Variants in HOOK1 observed in about 807,000 individuals in gnomAD.
HOOK1 encodes the protein protein Hook homolog 1.
Under a neutral mutation model 112.8 loss-of-function variants are expected in HOOK1, and 60 were observed. The observed-to-expected ratio is 0.53, with a 90% CI of 0.43 to 0.66. The LOEUF is 0.66. HOOK1 is among the 30% of genes least tolerant of loss of function. The pLI is 0.00. For missense variants in HOOK1, 770 were observed against 856.0 expected (o/e 0.90, Z 1.25); for synonymous variants, 294 against 283.8 (o/e 1.04, Z -0.36).
intron 12 of HOOK1, among the ~76,000 whole-genome samples, chr1:59,855,287 C>T (rs150546617): frequency 5.9e-5 from 9 of 152,280 alleles, no homozygotes; most frequent in African/African-American, 1.7e-4. Flanking sequence ...CTCTCTCCAC[C>T]AACCCTCTGC....
At chr1:59,833,871 C>G (rs1362998703) in intron 5 of HOOK1, among the ~76,000 whole-genome samples, 1 of 152,054 alleles carries the variant, frequency 6.6e-6, no homozygotes, top group Non-Finnish European at 1.5e-5. Flanking sequence ...CATGTAAGAA[C>G]CTTATGTGGA....
At chr1:59,847,450 G>A (rs545890968) in intron 10 of HOOK1, among the ~76,000 whole-genome samples, 1 of 151,470 alleles carries the variant, frequency 6.6e-6, no homozygotes, top group Non-Finnish European at 1.5e-5. Flanking sequence ...TTTTATAAAT[G>A]GAGTACTTAT....
rs1644098819 is a variant in HOOK1, at chr1:59,874,166, C to CAGCCACATTTCAGATGCTCAAT, written c.*1210_*1231dup. 1.3e-5 allele frequency: 2 copies of CAGCCACATTTCAGATGCTCAAT among 152,004 alleles called. No homozygotes were observed. Among genetic ancestry groups the CAGCCACATTTCAGATGCTCAAT allele is most frequent in the African/African-American group, 4.8e-5 (2 of 41,392 alleles). The allele number at this position is 152,004 out of a possible 1,614,324, so 9.4% of individuals were successfully genotyped here. A position where few individuals can be genotyped will look rare whatever the true frequency, so the allele number is the denominator to read the frequency against. On this transcript the variant is annotated 3_prime_UTR_variant, in exon 22 of 22. Coordinates refer to ENST00000371208, the MANE Select transcript of HOOK1 (RefSeq NM_015888.6). ...TATAAACTCAGTCTCTTGGTTGCAC[C>CAGCCACATTTCAGATGCTCAAT]AGCCACATTTCAGATGCTCAATAGC... is the stretch of plus-strand genomic sequence containing the variant.
chr1:59,825,514 A>G (rs2098389204), intron 2 of HOOK1, among the ~76,000 whole-genome samples: 1 of 152,260 alleles, frequency 6.6e-6, no homozygotes, highest in Non-Finnish European at 1.5e-5. Flanking sequence ...CTGAATATAT[A>G]CTAAATAAAA....
At chr1:59,834,003 A>G (rs1311584955) in intron 5 of HOOK1, among the ~76,000 whole-genome samples, 1 of 152,332 alleles carries the variant, frequency 6.6e-6, no homozygotes, top group East Asian at 1.9e-4. Context: ...GTCTAATGAT[A>G]TAAATGGAAT....
chr1:59,870,666 T>C (rs1297998141), intron 20 of HOOK1, among the ~76,000 whole-genome samples: 1 of 152,214 alleles, frequency 6.6e-6, no homozygotes, highest in Non-Finnish European at 1.5e-5. Flanking sequence ...TTTTTGACTA[T>C]GTCCTCTTTC....
intron 7 of HOOK1, among the ~76,000 whole-genome samples, chr1:59,839,314 T>C (rs181094596): frequency 6.6e-6 from 1 of 152,360 alleles, no homozygotes; most frequent in Non-Finnish European, 1.5e-5. Context: ...ACAATATTGA[T>C]TCTTCCTACC....
At chr1:59,869,151 T>G (rs2025500) in intron 20 of HOOK1, among the ~76,000 whole-genome samples, 14,865 of 152,196 alleles carry the variant, frequency 0.098, 925 homozygotes, top group African/African-American at 0.18. Flanking sequence ...TATTGAATTC[T>G]ACATACTGGC....
At position 59,840,334 on chromosome 1, in the gene HOOK1, G is replaced by T; in HGVS notation, c.564G>T (p.Gln188His). 6.3e-7 allele frequency: 1 copy of T among 1,595,878 alleles called. No individual in the cohort carries two copies. The highest frequency in any genetic ancestry group is 2.3e-5 in the East Asian group (1 of 44,164). Residue 188 changes from glutamine (Q) to histidine (H), a missense_variant, in exon 8 of 22, where the codon CAG becomes CAT. This residue lies in a region of HOOK1 where 655 missense variants were observed against 725.9 expected (regional missense o/e 0.90). Transcript: ENST00000371208. ...TTAAAAGAGCCTTGGAAGAACTTCA[G>T]GAAGCACTAGCAGAAAAAGAAGAGC... The part of the protein sequence containing the change: ...QQLKRALEEL[Q>H]EALAEKEELR...
intron 1 of HOOK1, among the ~76,000 whole-genome samples, chr1:59,817,224 C>T (rs1455189244): frequency 6.6e-6 from 1 of 152,194 alleles, no homozygotes. Context: ...TGTATTTCCC[C>T]TTTCCTTCAC....
At chr1:59,849,603 A>C (rs771058366) in intron 12 of HOOK1, among the ~76,000 whole-genome samples, 3 of 151,532 alleles carry the variant, frequency 2.0e-5, no homozygotes, top group Non-Finnish European at 4.4e-5. Context: ...CACTGCCATC[A>C]CTCTAAAAAG....
chr1:59,842,978 A>T (rs2098401763), intron 8 of HOOK1, among the ~76,000 whole-genome samples: 1 of 152,030 alleles, frequency 6.6e-6, no homozygotes, highest in African/African-American at 2.4e-5. Context: ...TTTCTTGAAT[A>T]TGTGATATGT....
In HOOK1 at chr1:59,873,713, A is replaced by T. The variant is rs1419005053; in HGVS notation, c.*748A>T. ...GACATTTGTAATAGGTGACTTTCTG[A>T]TGGAAAGCAAGCTATATATATATAT... On this transcript the variant is annotated 3_prime_UTR_variant, in exon 22 of 22. Transcript: ENST00000371208. 7.5e-6 allele frequency: 1 copy of T among 133,844 alleles called. No homozygotes were observed. The highest frequency in any genetic ancestry group is 2.8e-5 in the African/African-American group (1 of 35,824). 8.3% of individuals were successfully genotyped at this position (133,844 alleles called of 1,614,324 possible).
Position 59,854,038 on chromosome 1 carries a change from A to AT in HOOK1, c.1243-4359dup, listed in dbSNP as rs869107272. Among the ~76,000 whole-genome samples the AT allele has an allele frequency of 1.1e-3, 13 of 11,446 alleles. 2 individuals carry two copies. Among genetic ancestry groups the AT allele is most frequent in the South Asian group, 5.0e-3 (1 of 200 alleles). The allele number at this position is 11,446 out of a possible 152,430, so 7.5% of individuals were successfully genotyped here. A position where few individuals can be genotyped will look rare whatever the true frequency, so the allele number is the denominator to read the frequency against. ...TATATATATATATATATATATATAT[A>AT]TTTTTTTTTTTTTTTTTTTTTTTTT... On this transcript the variant is annotated intron_variant, in intron 12 of 21. Transcript: ENST00000371208.
chr1:59,853,280 T>C (rs2098408226), intron 12 of HOOK1, among the ~76,000 whole-genome samples: 1 of 152,088 alleles, frequency 6.6e-6, no homozygotes, highest in Non-Finnish European at 1.5e-5. Flanking sequence ...CCTCATGTAT[T>C]TTAGATCTGT....
chr1:59,859,164 T>C (rs778416700), intron 14 of HOOK1, 119 bp downstream of exon 14: 4 of 352,914 alleles, frequency 1.1e-5, no homozygotes, highest in Non-Finnish European at 2.0e-5. Flanking sequence ...AATTACTGTT[T>C]GATCTACTTA....
In HOOK1 at chr1:59,833,492, C is replaced by A; in HGVS notation, c.361C>A (p.Leu121Ile). Residue 121 changes from leucine (L) to isoleucine (I), a missense_variant, in exon 5 of 22, where the codon CTC (leucine) becomes ATC (isoleucine). This residue lies in a region of HOOK1 where 655 missense variants were observed against 725.9 expected (regional missense o/e 0.90). Transcript: ENST00000371208. ...CSDPVELGRL[L>I]QLILGCAINC... ...AGATCCAGTGGAGCTTGGGAGGTTG[C>A]TCCAGCTTATTTTAGGTTGTGCGAT... The A allele has an allele frequency of 6.3e-7, 1 of 1,591,878 alleles. No individual in the cohort carries two copies. Among genetic ancestry groups the A allele is most frequent in the South Asian group, 1.1e-5 (1 of 88,172 alleles).
Position 59,866,105 on chromosome 1 carries a change from A to C in HOOK1, c.1845+133A>C. On this transcript the variant is annotated intron_variant, in intron 19 of 21. Coordinates refer to ENST00000371208, the MANE Select transcript of HOOK1 (RefSeq NM_015888.6). ...TCTTAACTGTATTGCCTTACCTGTC[A>C]GGTTTCCGTAGTATTTCCCAATCAG... The C allele has an allele frequency of 1.5e-5, 9 of 602,610 alleles. No individual in the cohort carries two copies. The South Asian group carries it at 1.7e-4, about 11-fold the overall frequency. 37.3% of individuals were successfully genotyped at this position (602,610 alleles called of 1,614,324 possible).
intron 12 of HOOK1, among the ~76,000 whole-genome samples, chr1:59,856,321 C>T (rs1474622723): frequency 6.6e-6 from 1 of 151,412 alleles, no homozygotes. Flanking sequence ...AATAAATTCT[C>T]TTATACTCTC....
Sources: allele counts gnomAD v4.1 joint callset (sites outside exome capture counted in the v4.1 genomes callset), GRCh38; gene constraint gnomAD v4.1.1; regional missense constraint gnomAD v4.1.1; transcripts MANE v1.5; gene names NCBI Gene and HGNC (gene_info 2026-07-23, HGNC 2026-07-21).